DDX31: variants seen among roughly 807,000 people sequenced by gnomAD.
The protein encoded by DDX31 is DEAD-box helicase 31.
A neutral mutation model predicts 91.3 loss-of-function variants in DDX31; 70 were observed. The ratio of observed to expected loss-of-function variants is 0.77; its 90% confidence interval spans 0.63 to 0.94. DDX31 has a LOEUF of 0.94. DDX31 is among the 40% of genes least tolerant of loss of function. The pLI is 0.00. For missense variants in DDX31, 902 were observed against 925.0 expected (o/e 0.98, Z 0.32); for synonymous variants, 362 against 350.6 (o/e 1.03, Z -0.36).
chr9:132,650,878 T>TCA (rs1681709516), intron 8 of DDX31, among the ~76,000 whole-genome samples, 197 bp downstream of exon 8: 1 of 152,148 alleles, frequency 6.6e-6, no homozygotes, highest in South Asian at 2.1e-4. Flanking sequence ...GCACCAGGAG[T>TCA]CACTGATAAT....
chr9:132,635,148 C>T lies in DDX31; in HGVS notation c.1441-3057G>A, dbSNP rs571362470. Reference sequence around the variant, plus strand: ...GTGTGTGCTTCCCATGGTTCCATGTCGGGAAACACACTGGGGCAGTCTGTC... The same window carrying T: ...GTGTGTGCTTCCCATGGTTCCATGTTGGGAAACACACTGGGGCAGTCTGTC... On this transcript the variant is annotated intron_variant, in intron 14 of 19. Coordinates refer to ENST00000372159, the MANE Select transcript of DDX31 (RefSeq NM_022779.9). Among the ~76,000 whole-genome samples the T allele has an allele frequency of 3.1e-4, 47 of 152,250 alleles. No individual in the cohort carries two copies. The East Asian group carries it at 7.9e-3, about 26-fold the overall frequency.
chr9:132,649,161 C>CA (rs1834025519), intron 9 of DDX31, among the ~76,000 whole-genome samples: 1 of 152,048 alleles, frequency 6.6e-6, no homozygotes, highest in Non-Finnish European at 1.5e-5. Flanking sequence ...AGGCTGGTCT[C>CA]AAACTCCTGG....
chr9:132,655,045 C>A (rs964677275), intron 6 of DDX31, among the ~76,000 whole-genome samples: 2 of 151,742 alleles, frequency 1.3e-5, no homozygotes, highest in African/African-American at 4.8e-5. Context: ...CTGGAGTGCA[C>A]ACTGGCATAT....
chr9:132,662,412 C>T lies in DDX31; in HGVS notation c.332+27G>A. ...AAAGGCAGAACACATTTTTTTCTTC[C>T]TGAAGGGCATCCGCCCCTGGACATA... On this transcript the variant is annotated intron_variant, in intron 2 of 19. Transcript: ENST00000372159. The T allele has an allele frequency of 1.9e-6, 3 of 1,613,530 alleles. No individual in the cohort carries two copies. The South Asian group carries it at 3.3e-5, about 18-fold the overall frequency.
intron 4 of DDX31, among the ~76,000 whole-genome samples, chr9:132,660,905 C>T (rs551953900): frequency 1.8e-4 from 28 of 152,154 alleles, no homozygotes; most frequent in Non-Finnish European, 3.8e-4. Flanking sequence ...TGGTCACATG[C>T]TATATTTTGG....
chr9:132,650,128 G>C (rs1241561098), intron 9 of DDX31, 106 bp downstream of exon 9: 18 of 1,101,384 alleles, frequency 1.6e-5, no homozygotes, highest in Non-Finnish European at 2.2e-5. Context: ...CTAGGAAGCA[G>C]AGCCTGAGAC....
chr9:132,651,483 A>G (rs1015743250), intron 7 of DDX31, among the ~76,000 whole-genome samples: 1 of 152,218 alleles, frequency 6.6e-6, no homozygotes, highest in Admixed American at 6.5e-5. Flanking sequence ...GAGAAAGAAT[A>G]TAATATGTAC....
chr9:132,651,704 C>A (rs1055227490), intron 7 of DDX31, among the ~76,000 whole-genome samples: 4 of 152,168 alleles, frequency 2.6e-5, no homozygotes, highest in African/African-American at 4.8e-5. Context: ...CCATTAACAA[C>A]CTTCAAAAAT....
At chr9:132,636,062 T>C (rs1331673561) in intron 14 of DDX31, among the ~76,000 whole-genome samples, 5 of 152,112 alleles carry the variant, frequency 3.3e-5, no homozygotes, top group Non-Finnish European at 5.9e-5. Flanking sequence ...CCACTGAGGG[T>C]ACCTCAGGAT....
chr9:132,618,694 C>A (rs1314394831), intron 17 of DDX31, among the ~76,000 whole-genome samples: 1 of 152,142 alleles, frequency 6.6e-6, no homozygotes, highest in Non-Finnish European at 1.5e-5. Flanking sequence ...GACCTCTTAC[C>A]ATGCATGTTC....
intron 14 of DDX31, among the ~76,000 whole-genome samples, chr9:132,641,750 T>C (rs1590056915): frequency 6.6e-6 from 1 of 152,210 alleles, no homozygotes; most frequent in African/African-American, 2.4e-5. Flanking sequence ...ATCTCCAAGA[T>C]TCACACATTT....
intron 14 of DDX31, chr9:132,637,913 T>C: frequency 4.3e-5 from 43 of 994,582 alleles, no homozygotes; most frequent in Non-Finnish European, 5.1e-5. Flanking sequence ...ATTGTGACTC[T>C]TCACAGCCGT....
chr9:132,625,608 C>A, intron 17 of DDX31, 56 bp downstream of exon 17: 1 of 1,399,644 alleles, frequency 7.1e-7, no homozygotes, highest in Non-Finnish European at 1.0e-6. Context: ...CTCTACTACC[C>A]CAAATCAAGT....
chr9:132,614,685 C>T (rs950815221), intron 18 of DDX31, among the ~76,000 whole-genome samples: 9 of 152,192 alleles, frequency 5.9e-5, no homozygotes, highest in African/African-American at 1.9e-4. Flanking sequence ...CTCCACCAAT[C>T]CTATGAGCTG....
chr9:132,644,490 C>T (rs1157586609), intron 13 of DDX31, among the ~76,000 whole-genome samples: 1 of 152,148 alleles, frequency 6.6e-6, no homozygotes, highest in Non-Finnish European at 1.5e-5. Context: ...CAGCAAGTGA[C>T]AGCCAGGACA....
At chr9:132,620,653 C>T (rs186383277) in intron 17 of DDX31, among the ~76,000 whole-genome samples, 28 of 152,244 alleles carry the variant, frequency 1.8e-4, no homozygotes, top group African/African-American at 5.5e-4. Flanking sequence ...AAAATTGCCC[C>T]TCTTGAGAAT....
chr9:132,658,633 A>G (rs1319213745), intron 6 of DDX31, 38 bp downstream of exon 6: 2 of 1,575,214 alleles, frequency 1.3e-6, no homozygotes, highest in East Asian at 2.2e-5. Context: ...TTGCTTATGC[A>G]CTATGAGCAA....
chr9:132,647,198 T>G, intron 11 of DDX31, 140 bp from the exon 12 acceptor site: 1 of 716,696 alleles, frequency 1.4e-6, no homozygotes. Flanking sequence ...GTCCCAGCAC[T>G]GATCCGCCCT....
chr9:132,601,629 G>A (rs1419712041), intron 19 of DDX31, among the ~76,000 whole-genome samples: 2 of 152,224 alleles, frequency 1.3e-5, no homozygotes, highest in African/African-American at 4.8e-5. Context: ...TCCATTGTAA[G>A]TCTGGATACT....
Sources: allele counts gnomAD v4.1 joint callset (sites outside exome capture counted in the v4.1 genomes callset), GRCh38; gene constraint gnomAD v4.1.1; transcripts MANE v1.5; gene names NCBI Gene and HGNC (gene_info 2026-07-23, HGNC 2026-07-21).